Variants in ZNF665 observed in about 807,000 individuals in gnomAD.
ZNF665 encodes the protein zinc finger protein 665.
ZNF665 carries 6 observed loss-of-function variants against 7.9 expected under a neutral mutation model. The observed-to-expected ratio is 0.76, with a 90% confidence interval of 0.42 to 1.50. ZNF665 has a LOEUF of 1.50. Ranked by LOEUF, ZNF665 falls within the 40% of genes most tolerant of loss-of-function variation. ZNF665 has a pLI of 0.01. For synonymous variants in ZNF665, 242 were observed against 274.5 expected (o/e 0.88, Z 1.17); for missense variants, 819 against 806.7 (o/e 1.02, Z -0.18).
At chr19:53,190,498 TGAA>T (rs2090808825) in intron 1 of ZNF665, among the ~76,000 whole-genome samples, 1 of 152,228 alleles carries the variant, frequency 6.6e-6, no homozygotes, top group Non-Finnish European at 1.5e-5. Context: ...TTCTCCCAGG[TGAA>T]GATCTCAGTG....
At chr19:53,180,884 A>G (rs529002976) in intron 2 of ZNF665, 7 of 152,226 alleles carry the variant, frequency 4.6e-5, no homozygotes, top group Non-Finnish European at 7.3e-5. Flanking sequence ...CAAAAGCCCA[A>G]TGGAGGTTTT....
chr19:53,188,912 G>A (rs1428087916), intron 1 of ZNF665, among the ~76,000 whole-genome samples: 1 of 151,960 alleles, frequency 6.6e-6, no homozygotes, highest in Admixed American at 6.6e-5. Flanking sequence ...TGGCCAGGCT[G>A]GTCTCGAACT....
chr19:53,177,810 G>A (rs753675279), intron 2 of ZNF665, among the ~76,000 whole-genome samples: 6 of 152,162 alleles, frequency 3.9e-5, no homozygotes, highest in South Asian at 2.1e-4. Context: ...AATCCTTTAC[G>A]TGTACTAACA....
intron 3 of ZNF665, among the ~76,000 whole-genome samples, chr19:53,174,945 C>CAAA (rs1168901820): frequency 2.3e-5 from 1 of 44,242 alleles, no homozygotes; most frequent in Non-Finnish European, 5.0e-5. Flanking sequence ...AACTCCGTCT[C>CAAA]AAAAAAAAAA....
At position 53,163,127 on chromosome 19, in the gene ZNF665, G is replaced by C. The variant is rs904213512; in HGVS notation, c.*1326C>G. The stretch of plus-strand genomic sequence containing the variant: ...CGGCTCACCACAACCTCTGCCTCCC[G>C]GGTTCAAGCGAGTCTCCTGCCTCAG... On this transcript the variant is annotated 3_prime_UTR_variant, in exon 4 of 4. Coordinates refer to ENST00000396424, the MANE Select transcript of ZNF665 (RefSeq NM_024733.5). 2.0e-5 allele frequency: 3 copies of C among 152,260 alleles called. No individual in the cohort carries two copies. The highest frequency in any genetic ancestry group is 4.8e-5 in the African/African-American group (2 of 41,382). 9.4% of individuals were successfully genotyped at this position (152,260 alleles called of 1,614,324 possible).
At chr19:53,174,893 C>T (rs898642451) in intron 3 of ZNF665, among the ~76,000 whole-genome samples, 9 of 146,736 alleles carry the variant, frequency 6.1e-5, no homozygotes, top group African/African-American at 2.0e-4. Flanking sequence ...TGCAGTGATC[C>T]GAGATCGTGC....
intron 2 of ZNF665, among the ~76,000 whole-genome samples, chr19:53,179,410 G>A (rs1210901150): frequency 1.4e-5 from 2 of 146,354 alleles, no homozygotes; most frequent in East Asian, 3.9e-4. Flanking sequence ...GTGGCTATGA[G>A]TTTATGAGTT....
chr19:53,165,085 G>A lies in ZNF665; in HGVS notation c.1405C>T (p.Gln469Ter), dbSNP rs370057824. 3 of 1,613,916 alleles carry A rather than the reference G, an allele frequency of 1.9e-6. No homozygotes were observed. Among genetic ancestry groups the A allele is most frequent in the Non-Finnish European group, 2.5e-6 (3 of 1,180,038 alleles). Residue 469 changes from glutamine to a stop codon, truncating the protein, a stop_gained, in exon 4 of 4, where the codon CAA becomes TAA. Transcript: ENST00000396424. LOFTEE classifies it low-confidence loss of function (END_TRUNC). ...KCNDCGKVFT[Q>*]NSHLASHRGI... The stretch of plus-strand genomic sequence containing the variant: ...CGATGACTTGCAAGGTGTGAATTTT[G>A]TGTGAAGACCTTACCGCAGTCATTA...
chr19:53,165,167 C>T lies in ZNF665; in HGVS notation c.1323G>A (p.Val441=). 1.2e-6 allele frequency: 2 copies of T among 1,611,488 alleles called. No homozygotes were observed. Among genetic ancestry groups the T allele is most frequent in the Non-Finnish European group, 1.7e-6 (2 of 1,179,236 alleles). The change falls in exon 4 of 4, where the codon GTG becomes GTA. Residue 441 remains valine (V), a synonymous_variant. Transcript: ENST00000396424. ...CCTGATGGGTAGTTAGGCTTGATCG[C>T]ACACTAAAGGCTTTGCCACACTCAT... ...RCDECGKAFS[V]RSSLTTHQAI... is the part of the protein sequence containing the mutation.
At chr19:53,166,501 C>G (rs2090617148) in intron 3 of ZNF665, among the ~76,000 whole-genome samples, 154 bp from the exon 4 acceptor site, 1 of 152,118 alleles carries the variant, frequency 6.6e-6, no homozygotes, top group Non-Finnish European at 1.5e-5. Context: ...ACAAAAGGAA[C>G]AGGATTCCTT....
intron 3 of ZNF665, among the ~76,000 whole-genome samples, chr19:53,166,810 T>C (rs761418547): frequency 6.6e-6 from 1 of 152,114 alleles, no homozygotes; most frequent in Non-Finnish European, 1.5e-5. Flanking sequence ...TAATGAATAA[T>C]TAAAGAACTA....
rs1462045886 is a variant in ZNF665 at position 53,165,615 on chromosome 19, C to T, written c.875G>A (p.Cys292Tyr). Residue 292 changes from cysteine to tyrosine, a missense_variant, in exon 4 of 4, where the codon TGT becomes TAT. By Grantham distance (194) the Cys-to-Tyr change is radical. Transcript: ENST00000396424. ...AGTGAAGCACTTGCCACATTCCTTA[C>T]ATTTGTAAGGTTTTTCTCCAGTATG... is the stretch of plus-strand genomic sequence containing the variant. ...VIHTGEKPYK[C>Y]KECGKCFTQN... 1.2e-6 allele frequency: 2 copies of T among 1,614,030 alleles called. No individual in the cohort carries two copies. Among genetic ancestry groups the T allele is most frequent in the African/African-American group, 2.7e-5 (2 of 74,912 alleles).
intron 3 of ZNF665, among the ~76,000 whole-genome samples, chr19:53,175,023 G>A (rs1315015776): frequency 6.6e-6 from 1 of 150,456 alleles, no homozygotes; most frequent in Non-Finnish European, 1.5e-5. Context: ...TTCCAGAATC[G>A]TACCCTTAGG....
At position 53,166,209 on chromosome 19, in the gene ZNF665, T is replaced by G. The variant is rs778463490; in HGVS notation, c.281A>C (p.Asn94Thr). 2 of 1,613,968 alleles carry G rather than the reference T, an allele frequency of 1.2e-6. No homozygotes were observed. The highest frequency in any genetic ancestry group is 8.5e-7 in the Non-Finnish European group (1 of 1,179,884). The change falls in exon 4 of 4, where the codon AAT becomes ACT. Residue 94 changes from asparagine to threonine, a missense_variant. By Grantham distance (65) the Asn-to-Thr change is moderately conservative. Transcript: ENST00000396424. Reference protein sequence around the residue: ...VGLSFQEVQKNTYDFECQWKD... With the variant: ...VGLSFQEVQKTTYDFECQWKD... ...CCACTGACACTCAAAGTCGTATGTA[T>G]TTTTCTGAACTTCCTGGAAGGACAA... is the stretch of plus-strand genomic sequence containing the variant.
Position 53,164,797 on chromosome 19 carries a change from T to C in ZNF665, c.1693A>G (p.Thr565Ala), listed in dbSNP as rs1195007266. The change falls in exon 4 of 4, where the codon ACT (threonine) becomes GCT (alanine). Residue 565 changes from threonine to alanine, a missense_variant. Coordinates refer to ENST00000396424, the MANE Select transcript of ZNF665 (RefSeq NM_024733.5). ...SYLAIHQRIH[T>A]GEKPYKCNEC... Reference sequence around the variant, plus strand: ...TTACACTTATAAGGTTTCTCACCAGTGTGAATTCTCTGATGAATTGCAAGG... The same window carrying C: ...TTACACTTATAAGGTTTCTCACCAGCGTGAATTCTCTGATGAATTGCAAGG... The C allele has an allele frequency of 2.5e-6, 4 of 1,614,214 alleles. 1 individual carries two copies. The South Asian group carries it at 4.4e-5, about 18-fold the overall frequency.
intron 3 of ZNF665, among the ~76,000 whole-genome samples, chr19:53,171,384 T>C (rs750546419): frequency 6.6e-6 from 1 of 151,522 alleles, no homozygotes; most frequent in Non-Finnish European, 1.5e-5. Flanking sequence ...CTTGCAACAC[T>C]TGAGCTCCAT....
chr19:53,175,438 T>C lies in ZNF665; in HGVS notation c.142+7A>G, dbSNP rs757507068. 4 of 1,603,352 alleles carry C rather than the reference T, an allele frequency of 2.5e-6. No individual in the cohort carries two copies. The highest frequency in any genetic ancestry group is 1.8e-5 in the Admixed American group (1 of 56,534). ...GACCCTGACTTCTAAAAGAAAGTCA[T>C]CCTCACCCAGGGAGACCAGGTTCCT... is the stretch of plus-strand genomic sequence containing the variant. On this transcript the variant is annotated splice_region_variant and intron_variant, in intron 3 of 3. Coordinates refer to ENST00000396424, the MANE Select transcript of ZNF665 (RefSeq NM_024733.5).
chr19:53,178,363 T>C (rs1452896931), intron 2 of ZNF665, among the ~76,000 whole-genome samples: 1 of 152,182 alleles, frequency 6.6e-6, no homozygotes, highest in Non-Finnish European at 1.5e-5. Context: ...AAAAGAACTT[T>C]CCCAGTCTTT....
chr19:53,171,050 T>C (rs1353777294), intron 3 of ZNF665, among the ~76,000 whole-genome samples: 1 of 152,118 alleles, frequency 6.6e-6, no homozygotes, highest in Non-Finnish European at 1.5e-5. Flanking sequence ...AGTGGCACAA[T>C]CTCACCTCAC....
Sources: allele counts gnomAD v4.1 joint callset (sites outside exome capture counted in the v4.1 genomes callset), GRCh38; gene constraint gnomAD v4.1.1; transcripts MANE v1.5; gene names NCBI Gene and HGNC (gene_info 2026-07-23, HGNC 2026-07-21).